PTBP2: variants seen among roughly 807,000 people sequenced by gnomAD.
PTBP2 encodes the protein polypyrimidine tract-binding protein 2.
PTBP2 carries 13 observed loss-of-function variants against 61.4 expected under a neutral mutation model. The ratio of observed to expected loss-of-function variants is 0.21; its 90% CI spans 0.14 to 0.34. PTBP2 has a LOEUF of 0.34. PTBP2 is among the 10% of genes least tolerant of loss of function. The pLI, the probability that PTBP2 is intolerant of heterozygous loss-of-function variation, is 1.00. For synonymous variants in PTBP2, 215 were observed against 218.5 expected (o/e 0.98, Z 0.14); for missense variants, 405 against 642.6 (o/e 0.63, Z 4.00).
chr1:96,818,797 C>T (rs1380726036), downstream of PTBP2: 1 of 151,946 alleles, frequency 6.6e-6, no homozygotes, highest in Non-Finnish European at 1.5e-5. Context: ...GAAAAGGAAC[C>T]CGGATATCTA....
intron 5 of PTBP2, among the ~76,000 whole-genome samples, chr1:96,774,562 A>C (rs1356470438): frequency 6.6e-6 from 1 of 152,250 alleles, no homozygotes; most frequent in Admixed American, 6.5e-5. Flanking sequence ...ACATCCGTTC[A>C]TGAAATCACC....
intron 8 of PTBP2, among the ~76,000 whole-genome samples, chr1:96,791,835 T>TTTTG (rs1659855632): frequency 3.3e-5 from 1 of 30,514 alleles, no homozygotes; most frequent in African/African-American, 1.9e-4. Context: ...GCTTTTTTTT[T>TTTTG]TTTTTTTTTT....
At chr1:96,808,727 C>G (rs1291272390) in intron 11 of PTBP2, among the ~76,000 whole-genome samples, 1 of 151,990 alleles carries the variant, frequency 6.6e-6, no homozygotes, top group Admixed American at 6.6e-5. Flanking sequence ...CTCATTGCTG[C>G]TAGGTAGATT....
At chr1:96,808,810 AAC>A (rs71748547) in intron 11 of PTBP2, among the ~76,000 whole-genome samples, 50 of 150,238 alleles carry the variant, frequency 3.3e-4, no homozygotes, top group Admixed American at 8.6e-4. Context: ...CACACACACA[AAC>A]ACACACACAC....
At chr1:96,797,550 C>T (rs892025582) in intron 8 of PTBP2, among the ~76,000 whole-genome samples, 9 of 152,060 alleles carry the variant, frequency 5.9e-5, no homozygotes, top group African/African-American at 2.2e-4. Flanking sequence ...CTTCCAGACC[C>T]CTTGGTGGTA....
intron 5 of PTBP2, among the ~76,000 whole-genome samples, chr1:96,773,406 A>G (rs1453830791): frequency 6.6e-6 from 1 of 152,120 alleles, no homozygotes; most frequent in African/African-American, 2.4e-5. Flanking sequence ...ATGCCTTAAC[A>G]ACAGTACTTT....
chr1:96,806,990 T>A (rs1156739423), intron 11 of PTBP2, 32 bp downstream of exon 11: 4 of 1,487,066 alleles, frequency 2.7e-6, no homozygotes, highest in Non-Finnish European at 2.8e-6. Flanking sequence ...TCTATACATC[T>A]TCACTTCTGC....
In PTBP2 at chr1:96,751,411, T is replaced by G; in HGVS notation, c.40-14T>G. On this transcript the variant is annotated splice_polypyrimidine_tract_variant and intron_variant, in intron 2 of 13. Transcript: ENST00000674951. ...TTAAAGATGTCTTATGCTAATTTGTTTTTGTTTTCATAGAGAGGATCTGAC... is the reference window on the plus strand; with the variant it reads ...TTAAAGATGTCTTATGCTAATTTGTGTTTGTTTTCATAGAGAGGATCTGAC... 6.2e-7 allele frequency: 1 copy of G among 1,603,142 alleles called. No homozygotes were observed. Among genetic ancestry groups the G allele is most frequent in the Non-Finnish European group, 8.5e-7 (1 of 1,171,216 alleles).
intron 3 of PTBP2, among the ~76,000 whole-genome samples, chr1:96,754,160 AAAAC>A (rs1481514271): frequency 6.6e-6 from 1 of 152,184 alleles, no homozygotes; most frequent in Non-Finnish European, 1.5e-5. Flanking sequence ...AGCTGCGAAA[AAAAC>A]GTCTAACAGG....
intron 11 of PTBP2, among the ~76,000 whole-genome samples, chr1:96,807,167 A>C (rs985480356): frequency 2.6e-5 from 4 of 152,192 alleles, no homozygotes; most frequent in Non-Finnish European, 2.9e-5. Context: ...AAATGCACTC[A>C]TAATAGGAAG....
intron 1 of PTBP2, among the ~76,000 whole-genome samples, chr1:96,722,841 C>T (rs1649805643): frequency 6.6e-6 from 1 of 152,174 alleles, no homozygotes; most frequent in African/African-American, 2.4e-5. Context: ...ATGTCTCGCT[C>T]ATATGCTTCA....
At chr1:96,743,432 T>C (rs935139943) in intron 2 of PTBP2, among the ~76,000 whole-genome samples, 2 of 152,218 alleles carry the variant, frequency 1.3e-5, no homozygotes, top group African/African-American at 4.8e-5. Flanking sequence ...AGATGTACTC[T>C]ATGTAATTCC....
At chr1:96,812,446 A>G (rs1204800703) in intron 11 of PTBP2, among the ~76,000 whole-genome samples, 3 of 152,176 alleles carry the variant, frequency 2.0e-5, no homozygotes, top group Admixed American at 1.3e-4. Context: ...GTAGCTCACT[A>G]TACGATTTGT....
At position 96,743,431 on chromosome 1, in the gene PTBP2, CTA is replaced by C. The variant is rs1261322189; in HGVS notation, c.40-7992_40-7991del. 2.6e-5 allele frequency among the ~76,000 whole-genome samples: 4 copies of C among 152,146 alleles called. No homozygotes were observed. In the East Asian group the frequency reaches 5.8e-4, roughly 22 times the overall value. ...ACCAAGAATATTTTGCAGATGTACT[CTA>C]TGTAATTCCTGTTGTATGTCAGCTT... On this transcript the variant is annotated intron_variant, in intron 2 of 13. Coordinates refer to ENST00000674951, the MANE Select transcript of PTBP2 (RefSeq NM_021190.4).
At chr1:96,772,810 C>G (rs1422310408) in intron 5 of PTBP2, among the ~76,000 whole-genome samples, 1 of 151,938 alleles carries the variant, frequency 6.6e-6, no homozygotes, top group Non-Finnish European at 1.5e-5. Flanking sequence ...ACGAAAGGAA[C>G]ATGTAAAGAA....
chr1:96,820,967 T>C (rs1219898120), exon 14 of PTBP2: 2 of 152,202 alleles, frequency 1.3e-5, no homozygotes, highest in Non-Finnish European at 2.9e-5. Flanking sequence ...TATGACAGTA[T>C]ACAGTATAGC....
chr1:96,736,296 G>A (rs1003156062), intron 2 of PTBP2, among the ~76,000 whole-genome samples: 1 of 152,164 alleles, frequency 6.6e-6, no homozygotes. Flanking sequence ...CAAGAAATTG[G>A]TAGGTCTGTG....
chr1:96,734,140 A>G (rs1310564211), intron 2 of PTBP2, among the ~76,000 whole-genome samples: 1 of 152,180 alleles, frequency 6.6e-6, no homozygotes, highest in Non-Finnish European at 1.5e-5. Flanking sequence ...AACTATTATA[A>G]TGAATTTTAG....
At chr1:96,780,793 A>G (rs1658567494) in intron 7 of PTBP2, among the ~76,000 whole-genome samples, 3 of 152,078 alleles carry the variant, frequency 2.0e-5, no homozygotes, top group Admixed American at 2.0e-4. Flanking sequence ...CTGGCGGACT[A>G]ATGAATATCT....
Sources: allele counts gnomAD v4.1 joint callset (sites outside exome capture counted in the v4.1 genomes callset), GRCh38; gene constraint gnomAD v4.1.1; transcripts MANE v1.5; gene names NCBI Gene and HGNC (gene_info 2026-07-23, HGNC 2026-07-21).